The following COQ3 variants were observed in gnomAD, a reference collection of about 807,000 sequenced individuals.
COQ3 encodes coenzyme Q3, methyltransferase.
A neutral mutation model predicts 33.1 loss-of-function variants in COQ3; 29 were observed. The ratio of observed to expected loss-of-function variants is 0.88; its 90% CI spans 0.65 to 1.19. The LOEUF (loss-of-function observed/expected upper bound fraction) is 1.19. COQ3 is among the 50% of genes most tolerant of loss of function. The probability of loss-of-function intolerance (pLI) is 0.00; values close to 1 mark genes in which losing one functional copy is unlikely to be tolerated. For synonymous variants in COQ3, 173 were observed against 157.8 expected (o/e 1.10, Z -0.72); for missense variants, 437 against 430.7 (o/e 1.01, Z -0.13).
At chr6:99,393,825 C>T (rs1163406956) in intron 1 of COQ3, among the ~76,000 whole-genome samples, 1 of 152,208 alleles carries the variant, frequency 6.6e-6, no homozygotes, top group Non-Finnish European at 1.5e-5. Flanking sequence ...AGGAGCTCAG[C>T]CACAAGAGAC....
chr6:99,371,628 C>A, intron 5 of COQ3, 41 bp from the exon 6 acceptor site: 5 of 1,357,196 alleles, frequency 3.7e-6, no homozygotes, highest in Admixed American at 2.1e-5. Context: ...ATGTAAAAGA[C>A]TAAGTGTATC....
intron 1 of COQ3, 33 bp downstream of exon 1, chr6:99,394,037 TTGAC>T (rs755611041): frequency 2.0e-5 from 31 of 1,551,844 alleles, no homozygotes; most frequent in Non-Finnish European, 2.6e-5. Context: ...GCGCTCGCAA[TTGAC>T]TGCATGCGAA....
At chr6:99,376,307 T>C (rs1774282793) in intron 4 of COQ3, 125 bp from the exon 5 acceptor site, 3 of 973,322 alleles carry the variant, frequency 3.1e-6, no homozygotes, top group Non-Finnish European at 4.5e-6. Flanking sequence ...CATTTATGGG[T>C]ACATGGAAAC....
rs779391244 is a variant in COQ3 at position 99,369,574 on chromosome 6, A to G, written c.*26T>C. The stretch of plus-strand genomic sequence containing the variant: ...TTTGAAAACATCAGATATCCAAGCC[A>G]TATTACTATAGTTCTCAGAAACAAT... On this transcript the variant is annotated 3_prime_UTR_variant, in exon 7 of 7. Coordinates refer to ENST00000254759, the MANE Select transcript of COQ3 (RefSeq NM_017421.4). The G allele has an allele frequency of 1.3e-6, 2 of 1,490,294 alleles. No homozygotes were observed. The highest frequency in any genetic ancestry group is 1.9e-6 in the Non-Finnish European group (2 of 1,069,940). 92.3% of individuals were successfully genotyped at this position (1,490,294 alleles called of 1,614,324 possible).
intron 5 of COQ3, among the ~76,000 whole-genome samples, chr6:99,373,480 T>A (rs1774197274): frequency 2.0e-5 from 3 of 151,380 alleles, no homozygotes; most frequent in South Asian, 2.1e-4. Flanking sequence ...GTGTTCTACA[T>A]ACTCGTACTT....
intron 5 of COQ3, among the ~76,000 whole-genome samples, chr6:99,374,350 C>A (rs1156417550): frequency 6.6e-6 from 1 of 152,080 alleles, no homozygotes; most frequent in African/African-American, 2.4e-5. Context: ...CTGTCACCTG[C>A]AATTTTGTGC....
rs55946761 is a variant in COQ3 at position 99,385,739 on chromosome 6, G to A, written c.107-1915C>T. ...TCCCAGCACTTTGGGCACTTTGGGAGGCCGAGGCAGGCAGATCACATGAGG... is the reference window on the plus strand; with the variant it reads ...TCCCAGCACTTTGGGCACTTTGGGAAGCCGAGGCAGGCAGATCACATGAGG... On this transcript the variant is annotated intron_variant, in intron 1 of 6. Coordinates refer to ENST00000254759, the MANE Select transcript of COQ3 (RefSeq NM_017421.4). Among the ~76,000 whole-genome samples the A allele has an allele frequency of 3.5e-3, 528 of 152,154 alleles. 2 individuals carry two copies. Among genetic ancestry groups the A allele is most frequent in the Admixed American group, 5.5e-3 (84 of 15,274 alleles).
chr6:99,378,275 T>C lies in COQ3; in HGVS notation c.387-790A>G, dbSNP rs190171683. On this transcript the variant is annotated intron_variant, in intron 3 of 6. Coordinates refer to ENST00000254759, the MANE Select transcript of COQ3 (RefSeq NM_017421.4). Reference sequence around the variant, plus strand: ...TATCTTCTATTGCCATTAAAGTTAATTGAATTCTAAGAATAACATGGATAG... The same window carrying C: ...TATCTTCTATTGCCATTAAAGTTAACTGAATTCTAAGAATAACATGGATAG... Among the ~76,000 whole-genome samples, 166 of 151,362 alleles carry C rather than the reference T, an allele frequency of 1.1e-3. 2 individuals are homozygous for C. Among genetic ancestry groups the C allele is most frequent in the African/African-American group, 3.8e-3 (155 of 41,272 alleles).
chr6:99,370,344 C>CTTTTTTTTTTTTTTTTTTTT, intron 6 of COQ3, among the ~76,000 whole-genome samples: 7 of 101,254 alleles, frequency 6.9e-5, no homozygotes, highest in South Asian at 3.4e-4. Flanking sequence ...CTTTTCTTTA[C>CTTTTTTTTTTTTTTTTTTTT]TTTTTTTTTT....
chr6:99,371,143 T>C (rs1774131413), intron 6 of COQ3, among the ~76,000 whole-genome samples: 1 of 152,200 alleles, frequency 6.6e-6, no homozygotes, highest in South Asian at 2.1e-4. Flanking sequence ...AACAGACATT[T>C]GTATCTCTTT....
rs911382544 is a variant in COQ3, at chr6:99,394,035, A to G, written c.106+39T>C. The stretch of plus-strand genomic sequence containing the variant: ...CATGCGCAGAGACGCCAGCGCTCGC[A>G]ATTGACTGCATGCGAAGGACCTCCG... On this transcript the variant is annotated intron_variant, in intron 1 of 6. Transcript: ENST00000254759. 13 of 1,553,096 alleles carry G rather than the reference A, an allele frequency of 8.4e-6. No individual in the cohort carries two copies. In the African/African-American group the frequency reaches 1.6e-4, roughly 19 times the overall value.
chr6:99,389,884 T>G (rs951092298), intron 1 of COQ3, among the ~76,000 whole-genome samples: 8 of 152,042 alleles, frequency 5.3e-5, no homozygotes, highest in Admixed American at 3.9e-4. Flanking sequence ...GAGGCTGAGG[T>G]GGGCGGATCA....
At chr6:99,374,122 C>CAAAAAAAAA (rs146515261) in intron 5 of COQ3, among the ~76,000 whole-genome samples, 1 of 86,448 alleles carries the variant, frequency 1.2e-5, no homozygotes, top group Non-Finnish European at 2.3e-5. Flanking sequence ...CTGACATTAG[C>CAAAAAAAAA]AAAAAAAAAA....
chr6:99,391,671 T>C (rs1479353904), intron 1 of COQ3, among the ~76,000 whole-genome samples: 2 of 152,246 alleles, frequency 1.3e-5, no homozygotes, highest in East Asian at 3.9e-4. Context: ...AATCCCTAAG[T>C]CATCAGTATT....
intron 1 of COQ3, among the ~76,000 whole-genome samples, chr6:99,392,055 C>T (rs1433248054): frequency 5.3e-5 from 8 of 152,050 alleles, no homozygotes; most frequent in African/African-American, 2.4e-5. Flanking sequence ...TACCACCTTA[C>T]CACAACGGAA....
At position 99,377,379 on chromosome 6, in the gene COQ3, CACTT is replaced by C. The variant is rs772344181; in HGVS notation, c.486+3_486+6del. On this transcript the variant is annotated splice_donor_5th_base_variant and intron_variant, in intron 4 of 6. Coordinates refer to ENST00000254759, the MANE Select transcript of COQ3 (RefSeq NM_017421.4). ...CAGTTAAAAATGGCAGGAAAGCTGT[CACTT>C]ACTTCAGTTAACAGCCCACCACCAC... is the stretch of plus-strand genomic sequence containing the variant. 15 of 1,603,166 alleles carry C rather than the reference CACTT, an allele frequency of 9.4e-6. No homozygotes were observed. The highest frequency in any genetic ancestry group is 1.7e-5 in the Admixed American group (1 of 59,916).
intron 1 of COQ3, among the ~76,000 whole-genome samples, chr6:99,391,231 G>A (rs1339276491): frequency 6.6e-6 from 1 of 151,246 alleles, no homozygotes; most frequent in Admixed American, 6.6e-5. Flanking sequence ...ATCCAGTAGC[G>A]AGGTCCACAG....
At chr6:99,393,223 C>T (rs946814451) in intron 1 of COQ3, among the ~76,000 whole-genome samples, 2 of 150,082 alleles carry the variant, frequency 1.3e-5, no homozygotes, top group South Asian at 2.1e-4. Context: ...TTCCAGGAAA[C>T]AATGAAACTT....
At chr6:99,374,557 T>C (rs1562202303) in intron 5 of COQ3, among the ~76,000 whole-genome samples, 1 of 152,252 alleles carries the variant, frequency 6.6e-6, no homozygotes, top group Non-Finnish European at 1.5e-5. Context: ...ACCTCCTAAA[T>C]ATGTGAACGA....
Sources: gnomAD v4.1 joint callset for allele counts (sites outside exome capture counted in the v4.1 genomes callset) on GRCh38, gnomAD v4.1.1 for gene constraint, MANE v1.5 for transcripts, NCBI Gene and HGNC (gene_info 2026-07-23, HGNC 2026-07-21) for gene names.